The following TTLL7 variants were observed in gnomAD, a reference collection of about 807,000 sequenced individuals.
TTLL7 encodes tubulin tyrosine ligase like 7, also known as tubulin polyglutamylase TTLL7.
TTLL7 carries 53 observed loss-of-function variants against 120.2 expected under a neutral mutation model. The observed-to-expected ratio is 0.44, with a 90% CI of 0.35 to 0.55. The LOEUF (loss-of-function observed/expected upper bound fraction) is 0.55. Among genes scored for constraint, TTLL7 ranks in the 20% least tolerant of loss-of-function variants. TTLL7 has a pLI of 0.00. For missense variants in TTLL7, 803 were observed against 1,054.7 expected (o/e 0.76, Z 3.31); for synonymous variants, 353 against 351.7 (o/e 1.00, Z -0.04).
At chr1:83,994,215 C>A (rs1221110560) in intron 1 of TTLL7, among the ~76,000 whole-genome samples, 6 of 152,182 alleles carry the variant, frequency 3.9e-5, no homozygotes, top group Admixed American at 1.3e-4. Flanking sequence ...TGTTTCAAGT[C>A]TCTCAAGACT....
At chr1:83,950,890 A>G (rs1648975912) in intron 3 of TTLL7, among the ~76,000 whole-genome samples, 1 of 152,182 alleles carries the variant, frequency 6.6e-6, no homozygotes, top group Non-Finnish European at 1.5e-5. Flanking sequence ...CAATAGCAAC[A>G]CAGACTATTC....
chr1:83,869,255 C>T lies in TTLL7; in HGVS notation c.*707G>A, dbSNP rs12127657. The T allele has an allele frequency of 0.042, 6,368 of 152,370 alleles. 159 individuals are homozygous for T. The highest frequency in any genetic ancestry group is 0.099 in the Middle Eastern group (29 of 294). 9.4% of individuals were successfully genotyped at this position (152,370 alleles called of 1,614,324 possible). On this transcript the variant is annotated 3_prime_UTR_variant, in exon 21 of 21. Transcript: ENST00000260505. ...CCTCCCAAAGTGCTGGAATTACAGG[C>T]GTGAGCCACCGCGCCCAGCCTGTCT...
intron 20 of TTLL7, among the ~76,000 whole-genome samples, chr1:83,881,836 C>G (rs1321879822): frequency 1.3e-5 from 2 of 149,118 alleles, no homozygotes; most frequent in South Asian, 2.2e-4. Flanking sequence ...TTGGAACCAA[C>G]CCAAATGTCC....
chr1:83,882,186 T>C (rs1037439180), intron 20 of TTLL7, among the ~76,000 whole-genome samples: 91 of 151,392 alleles, frequency 6.0e-4, no homozygotes, highest in African/African-American at 2.1e-3. Flanking sequence ...CATGTATACA[T>C]ATGTAACTAA....
chr1:83,990,790 G>T (rs958450009), intron 1 of TTLL7, among the ~76,000 whole-genome samples: 6 of 152,098 alleles, frequency 3.9e-5, no homozygotes, highest in Non-Finnish European at 5.9e-5. Flanking sequence ...CAATATGGAG[G>T]TTCCTCAAAA....
chr1:83,953,348 C>A (rs1649235498), intron 1 of TTLL7, among the ~76,000 whole-genome samples: 2 of 152,044 alleles, frequency 1.3e-5, no homozygotes, highest in Admixed American at 6.6e-5. Flanking sequence ...AAAATAAAAC[C>A]TATTATGATA....
chr1:83,974,633 C>T (rs186431735), intron 1 of TTLL7, among the ~76,000 whole-genome samples: 70 of 151,998 alleles, frequency 4.6e-4, no homozygotes, highest in Non-Finnish European at 7.1e-4. Flanking sequence ...ATATGGCAGA[C>T]GCTATTTGTT....
At chr1:83,892,405 C>CGAATATATATGAATATATATACGA (rs1557563429) in intron 18 of TTLL7, among the ~76,000 whole-genome samples, 4 of 36,808 alleles carry the variant, frequency 1.1e-4, no homozygotes, top group African/African-American at 3.5e-4. Flanking sequence ...TATATATGAA[C>CGAATATATATGAATATATATACGA]ATATATATGA....
chr1:83,900,095 T>C (rs1486276275), intron 18 of TTLL7: 1 of 410,054 alleles, frequency 2.4e-6, no homozygotes, highest in Non-Finnish European at 4.8e-6. Context: ...CACATGTCAT[T>C]TAATCATCCC....
intron 1 of TTLL7, among the ~76,000 whole-genome samples, chr1:83,972,938 T>A (rs947499281): frequency 2.0e-5 from 3 of 152,258 alleles, no homozygotes; most frequent in Admixed American, 2.0e-4. Context: ...TATTGTTGAG[T>A]TTTAAGAGTT....
intron 1 of TTLL7, among the ~76,000 whole-genome samples, chr1:83,974,414 C>A (rs2100580172): frequency 6.6e-6 from 1 of 151,936 alleles, no homozygotes; most frequent in Non-Finnish European, 1.5e-5. Flanking sequence ...CTTTTTAAAG[C>A]CATTATTATG....
At chr1:83,918,306 A>G (rs1658359986) in intron 13 of TTLL7, among the ~76,000 whole-genome samples, 3 of 152,194 alleles carry the variant, frequency 2.0e-5, no homozygotes, top group South Asian at 2.1e-4. Context: ...TACTAGAGTC[A>G]TATTCTGAAT....
At chr1:83,944,702 C>T (rs551323170) in intron 6 of TTLL7, among the ~76,000 whole-genome samples, 2 of 152,080 alleles carry the variant, frequency 1.3e-5, no homozygotes, top group Admixed American at 6.5e-5. Context: ...AGTGACAGAG[C>T]GAGACTCCGT....
intron 1 of TTLL7, among the ~76,000 whole-genome samples, chr1:83,960,683 A>G (rs1649936875): frequency 6.6e-6 from 1 of 152,150 alleles, no homozygotes; most frequent in Non-Finnish European, 1.5e-5. Flanking sequence ...CTACTTTTAT[A>G]GGTAAAATGG....
At position 83,866,611 on chromosome 1, in the gene TTLL7, G is replaced by A. The variant is rs1482190222; in HGVS notation, c.*3351C>T. 2.0e-5 allele frequency: 3 copies of A among 151,828 alleles called. No individual in the cohort carries two copies. The highest frequency in any genetic ancestry group is 7.2e-5 in the African/African-American group (3 of 41,416). 9.4% of individuals were successfully genotyped at this position (151,828 alleles called of 1,614,324 possible). On this transcript the variant is annotated 3_prime_UTR_variant, in exon 21 of 21. Transcript: ENST00000260505. Reference sequence around the variant, plus strand: ...ATAATTTTGACCTATGATAAAATTTGTATAGATCTTTGCATCTTACCGACA... The same window carrying A: ...ATAATTTTGACCTATGATAAAATTTATATAGATCTTTGCATCTTACCGACA...
At chr1:83,946,303 G>A (rs1325809238) in intron 6 of TTLL7, 2 of 151,990 alleles carry the variant, frequency 1.3e-5, no homozygotes, top group Non-Finnish European at 2.9e-5. Flanking sequence ...CGCCCGCCTC[G>A]GCCTCCCAAA....
At chr1:83,983,335 CAAAT>C (rs202059861) in intron 1 of TTLL7, among the ~76,000 whole-genome samples, 3 of 151,870 alleles carry the variant, frequency 2.0e-5, no homozygotes, top group South Asian at 2.1e-4. Flanking sequence ...GTCTCAAAAA[CAAAT>C]AAATAAATAA....
chr1:83,882,354 T>G (rs572790081), intron 20 of TTLL7, among the ~76,000 whole-genome samples: 36 of 151,874 alleles, frequency 2.4e-4, no homozygotes, highest in African/African-American at 8.7e-4. Flanking sequence ...ATATTATTCA[T>G]CTCTATTTCT....
intron 20 of TTLL7, 136 bp downstream of exon 20, chr1:83,882,827 G>T: frequency 1.0e-6 from 1 of 953,204 alleles, no homozygotes; most frequent in South Asian, 1.7e-5. Flanking sequence ...ATATTTTGCA[G>T]ATAATAGCAT....
Sources: gnomAD v4.1 joint callset for allele counts (sites outside exome capture counted in the v4.1 genomes callset) on GRCh38, gnomAD v4.1.1 for gene constraint, MANE v1.5 for transcripts, NCBI Gene and HGNC (gene_info 2026-07-23, HGNC 2026-07-21) for gene names.